Variants in RDX observed in about 807,000 individuals in gnomAD.
RDX encodes radixin.
RDX carries 32 observed loss-of-function variants against 83.7 expected under a neutral mutation model. The ratio of observed to expected loss-of-function variants is 0.38; its 90% CI spans 0.29 to 0.51. The LOEUF is 0.51. Among genes scored for constraint, RDX ranks in the 20% least tolerant of loss-of-function variants. The pLI is 0.87. For missense variants in RDX, 600 were observed against 689.9 expected, an observed-to-expected ratio of 0.87 and a Z score of 1.46; for synonymous variants, 229 against 222.7, an observed-to-expected ratio of 1.03 and a Z score of -0.25.
intron 1 of RDX, among the ~76,000 whole-genome samples, chr11:110,290,479 T>C (rs1565338696): frequency 6.6e-6 from 1 of 151,388 alleles, no homozygotes; most frequent in Middle Eastern, 3.4e-3. Flanking sequence ...GCCACCGCAC[T>C]CTGGCCTGGG....
At chr11:110,202,691 T>C (rs1356010343) in intron 14 of RDX, among the ~76,000 whole-genome samples, 1 of 150,990 alleles carries the variant, frequency 6.6e-6, no homozygotes, top group Non-Finnish European at 1.5e-5. Flanking sequence ...GCAATCCTCC[T>C]GGGATTACAA....
intron 10 of RDX, 84 bp downstream of exon 10, chr11:110,247,619 G>A (rs1859160373): frequency 2.9e-6 from 4 of 1,389,944 alleles, no homozygotes; most frequent in Non-Finnish European, 4.0e-6. Context: ...AACAAATAAG[G>A]TTTAAGAGTA....
At chr11:110,268,208 TGAGGCGGAGAACTGCTTGAACCCGG>T (rs1162116486) in intron 3 of RDX, among the ~76,000 whole-genome samples, 1 of 151,448 alleles carries the variant, frequency 6.6e-6, no homozygotes, top group Non-Finnish European at 1.5e-5. Context: ...CTCAGGAGGT[TGAGGCGGAGAACTGCTTGAACCCGG>T]GAGGCGGAGG....
At chr11:110,244,428 CTT>C (rs1487837737) in intron 10 of RDX, among the ~76,000 whole-genome samples, 1 of 131,170 alleles carries the variant, frequency 7.6e-6, no homozygotes, top group Admixed American at 7.7e-5. Flanking sequence ...ATGAACGAAA[CTT>C]TAGAATATTA....
At chr11:110,184,158 C>A (rs1436019232) in intron 15 of RDX, among the ~76,000 whole-genome samples, 2 of 152,190 alleles carry the variant, frequency 1.3e-5, no homozygotes, top group African/African-American at 2.4e-5. Context: ...CAATCTGGCG[C>A]TGGAGACGGA....
chr11:110,262,356 G>C (rs777194829), intron 5 of RDX, among the ~76,000 whole-genome samples: 1 of 152,136 alleles, frequency 6.6e-6, no homozygotes, highest in Non-Finnish European at 1.5e-5. Flanking sequence ...AGGCCGAAGC[G>C]GGTGGATCAT....
chr11:110,223,595 AT>A (rs1284287765), intron 14 of RDX, among the ~76,000 whole-genome samples: 1 of 152,108 alleles, frequency 6.6e-6, no homozygotes, highest in Non-Finnish European at 1.5e-5. Context: ...CTATCAAAAG[AT>A]TTTATCTACC....
intron 9 of RDX, among the ~76,000 whole-genome samples, chr11:110,250,623 G>A (rs973818877): frequency 6.6e-6 from 1 of 152,006 alleles, no homozygotes; most frequent in African/African-American, 2.4e-5. Context: ...TGTTCTTCAG[G>A]GATGGAGGTG....
chr11:110,290,952 G>T (rs1330758199), intron 1 of RDX, among the ~76,000 whole-genome samples: 4 of 152,180 alleles, frequency 2.6e-5, no homozygotes, highest in African/African-American at 9.7e-5. Context: ...AAAGATATGA[G>T]CTCACTACAT....
chr11:110,261,623 G>GA (rs1015829654), intron 5 of RDX, among the ~76,000 whole-genome samples: 156 of 148,668 alleles, frequency 1.0e-3, no homozygotes, highest in East Asian at 2.5e-3. Context: ...AACAGAAAAT[G>GA]AAAAAAAAAT....
chr11:110,262,461 T>C (rs555318542), intron 5 of RDX, among the ~76,000 whole-genome samples: 120 of 152,142 alleles, frequency 7.9e-4, no homozygotes, highest in African/African-American at 2.7e-3. Context: ...TGTGTGTGCC[T>C]GTAATCCCAG....
chr11:110,192,955 T>C (rs1256096197), intron 15 of RDX, among the ~76,000 whole-genome samples: 1 of 152,222 alleles, frequency 6.6e-6, no homozygotes, highest in Non-Finnish European at 1.5e-5. Flanking sequence ...GAAAGCAGTT[T>C]GGAGATTTCT....
intron 3 of RDX, among the ~76,000 whole-genome samples, chr11:110,265,697 T>G (rs377167279): frequency 6.6e-6 from 1 of 152,248 alleles, no homozygotes; most frequent in African/African-American, 2.4e-5. Context: ...TCTACAATTT[T>G]GCTGATGTTT....
chr11:110,193,441 G>A (rs12294530), intron 15 of RDX, among the ~76,000 whole-genome samples: 6,232 of 152,122 alleles, frequency 0.041, 431 homozygotes, highest in African/African-American at 0.14. Context: ...CGGGTGACAG[G>A]ATCATTCATA....
In RDX at chr11:110,221,781, G is replaced by A. The variant is rs148047705; in HGVS notation, c.1748+10092C>T. Among the ~76,000 whole-genome samples the A allele has an allele frequency of 2.1e-4, 32 of 152,194 alleles. No individual in the cohort carries two copies. In the East Asian group the frequency reaches 5.6e-3, roughly 27 times the overall value. On this transcript the variant is annotated intron_variant, in intron 14 of 15. Transcript: ENST00000528498. Reference sequence around the variant, plus strand: ...AAGTGACCTAAAGTTGAACTAAGTGGCCTCTCATTTCTGTATCTCCTGCAC... The same window carrying A: ...AAGTGACCTAAAGTTGAACTAAGTGACCTCTCATTTCTGTATCTCCTGCAC...
At chr11:110,292,355 G>C (rs906953387) in intron 1 of RDX, among the ~76,000 whole-genome samples, 2 of 152,010 alleles carry the variant, frequency 1.3e-5, no homozygotes, top group Non-Finnish European at 2.9e-5. Context: ...AGCTACTAGG[G>C]AGACTGATGT....
At chr11:110,250,847 C>T (rs1859305040) in intron 9 of RDX, among the ~76,000 whole-genome samples, 2 of 152,218 alleles carry the variant, frequency 1.3e-5, no homozygotes, top group Admixed American at 1.3e-4. Context: ...ATAGCCATCT[C>T]CAGCCAACAC....
chr11:110,251,142 T>G (rs1859322034), intron 9 of RDX, among the ~76,000 whole-genome samples: 1 of 152,224 alleles, frequency 6.6e-6, no homozygotes, highest in Non-Finnish European at 1.5e-5. Context: ...TAACAATAGA[T>G]GCAGATATTT....
intron 9 of RDX, among the ~76,000 whole-genome samples, chr11:110,251,139 A>G (rs1859321736): frequency 6.6e-6 from 1 of 152,216 alleles, no homozygotes; most frequent in African/African-American, 2.4e-5. Flanking sequence ...CTGTAACAAT[A>G]GATGCAGATA....
Sources: allele counts gnomAD v4.1 joint callset (sites outside exome capture counted in the v4.1 genomes callset), GRCh38; gene constraint gnomAD v4.1.1; transcripts MANE v1.5; gene names NCBI Gene and HGNC (gene_info 2026-07-23, HGNC 2026-07-21).